The following OSBPL3 variants were observed in gnomAD, a reference collection of about 807,000 sequenced individuals.
The protein encoded by OSBPL3 is oxysterol-binding protein-related protein 3.
Under a neutral mutation model 120.1 loss-of-function variants are expected in OSBPL3, and 65 were observed. The ratio of observed to expected loss-of-function variants is 0.54; its 90% confidence interval spans 0.44 to 0.67. OSBPL3 has a LOEUF of 0.67. Among genes scored for constraint, OSBPL3 ranks in the 30% least tolerant of loss-of-function variants. The pLI is 0.00. For missense variants in OSBPL3, 1,004 were observed against 1,082.1 expected, an observed-to-expected ratio of 0.93 and a Z score of 1.01; for synonymous variants, 416 against 402.6, an observed-to-expected ratio of 1.03 and a Z score of -0.40.
chr7:24,858,955 A>G (rs1326566073), intron 10 of OSBPL3, among the ~76,000 whole-genome samples: 3 of 152,216 alleles, frequency 2.0e-5, no homozygotes, highest in East Asian at 3.8e-4. Context: ...TCCTCCCACA[A>G]AACTTAAGAT....
rs1562990984 is a variant in OSBPL3, at chr7:24,938,833, G to GTGTGTGTT, written c.-150+41052_-150+41053insAACACACA. Among the ~76,000 whole-genome samples, 5 of 136,462 alleles carry GTGTGTGTT rather than the reference G, an allele frequency of 3.7e-5. No homozygotes were observed. Among genetic ancestry groups the GTGTGTGTT allele is most frequent in the African/African-American group, 1.4e-4 (5 of 36,856 alleles). 89.5% of individuals were successfully genotyped at this position (136,462 alleles called of 152,430 possible). On this transcript the variant is annotated intron_variant, in intron 1 of 22. Coordinates refer to ENST00000313367, the MANE Select transcript of OSBPL3 (RefSeq NM_015550.4). This position sits in a 1 kb window ranked among gnomAD's most constrained non-coding sequence, Gnocchi z 5.8. ...TGTGTGTGTGTGTGTGTGTGTGTGT[G>GTGTGTGTT]TTTTGAGAGCAAAACTAATGTGGCC...
intron 10 of OSBPL3, among the ~76,000 whole-genome samples, chr7:24,856,737 A>G (rs1268194788): frequency 6.6e-6 from 1 of 152,194 alleles, no homozygotes; most frequent in African/African-American, 2.4e-5. Context: ...AGCACCTAAC[A>G]AACAGTGAGA....
intron 11 of OSBPL3, among the ~76,000 whole-genome samples, chr7:24,850,225 T>C (rs1216878660): frequency 6.6e-6 from 1 of 152,140 alleles, no homozygotes; most frequent in Non-Finnish European, 1.5e-5. Flanking sequence ...TCATTCCTTA[T>C]CTCAACCTCT....
chr7:24,806,535 C>T lies in OSBPL3; in HGVS notation c.2444+241G>A, dbSNP rs1274371881. 6.6e-6 allele frequency among the ~76,000 whole-genome samples: 1 copy of T among 152,060 alleles called. No homozygotes were observed. Among genetic ancestry groups the T allele is most frequent in the Non-Finnish European group, 1.5e-5 (1 of 67,988 alleles). ...ATGCAGTAAAACTCTTCAAAATAAA[C>T]ACCTTTTTTGGCATTTCAATGCAAA... On this transcript the variant is annotated intron_variant, in intron 21 of 22. Coordinates refer to ENST00000313367, the MANE Select transcript of OSBPL3 (RefSeq NM_015550.4). This position sits in a 1 kb window ranked among gnomAD's most constrained non-coding sequence, Gnocchi z 5.2.
Position 24,916,201 on chromosome 7 carries a change from C to T in OSBPL3, c.-149-23580G>A, listed in dbSNP as rs760274267. ...ACAGAATTACTTTTCAGAAGATGGA[C>T]AATTTCTTTCCCTTTTGTTAAATTC... On this transcript the variant is annotated intron_variant, in intron 1 of 22. Coordinates refer to ENST00000313367, the MANE Select transcript of OSBPL3 (RefSeq NM_015550.4). This position sits in a 1 kb window ranked among gnomAD's most constrained non-coding sequence, Gnocchi z 4.9. Among the ~76,000 whole-genome samples, 2 of 152,146 alleles carry T rather than the reference C, an allele frequency of 1.3e-5. No homozygotes were observed. Among genetic ancestry groups the T allele is most frequent in the African/African-American group, 2.4e-5 (1 of 41,418 alleles).
intron 16 of OSBPL3, among the ~76,000 whole-genome samples, chr7:24,825,818 GTAGA>G (rs1309882340): frequency 6.6e-6 from 1 of 152,186 alleles, no homozygotes; most frequent in Non-Finnish European, 1.5e-5. Context: ...GGCTGAGCCT[GTAGA>G]GCAAAAGAAA....
chr7:24,830,284 A>ACTGTTAGG lies in OSBPL3; in HGVS notation c.1884+483_1884+484insCCTAACAG, dbSNP rs1796211516. ...CCTAGCACCTGGAACAGTGGCAGGC[A>ACTGTTAGG]CATGGTATACGTTCTAGAAATAATT... On this transcript the variant is annotated intron_variant, in intron 16 of 22. Transcript: ENST00000313367. This position sits in a 1 kb window ranked among gnomAD's most constrained non-coding sequence, Gnocchi z 4.4. Among the ~76,000 whole-genome samples the ACTGTTAGG allele has an allele frequency of 6.6e-6, 1 of 152,120 alleles. No individual in the cohort carries two copies. Among genetic ancestry groups the ACTGTTAGG allele is most frequent in the Admixed American group, 6.5e-5 (1 of 15,284 alleles).
chr7:24,872,446 A>T lies in OSBPL3; in HGVS notation c.97-377T>A, dbSNP rs377506417. Among the ~76,000 whole-genome samples, 53 of 83,444 alleles carry T rather than the reference A, an allele frequency of 6.4e-4. No homozygotes were observed. Among genetic ancestry groups the T allele is most frequent in the African/African-American group, 2.0e-3 (45 of 22,460 alleles). The allele number at this position is 83,444 out of a possible 152,430, so 54.7% of individuals were successfully genotyped here. On this transcript the variant is annotated intron_variant, in intron 2 of 22. Transcript: ENST00000313367. The surrounding 1 kb of genome is among the most constrained non-coding windows in gnomAD (Gnocchi z 4.1). ...CTTCAGTCTGAATTTTAACCGAAAG[A>T]GAGTGTGTGTGTGTGTGTGTGTGTG...
At chr7:24,866,897 G>A (rs1444927656) in intron 5 of OSBPL3, among the ~76,000 whole-genome samples, 1 of 152,158 alleles carries the variant, frequency 6.6e-6, no homozygotes, top group African/African-American at 2.4e-5. Context: ...CACCTCCCAG[G>A]TTCAAGCGAT....
intron 1 of OSBPL3, among the ~76,000 whole-genome samples, chr7:24,976,059 A>G (rs1249725999): frequency 1.3e-5 from 2 of 152,234 alleles, no homozygotes. Flanking sequence ...TCTATATGCA[A>G]ATAAGTAGAG....
chr7:24,852,447 A>C lies in OSBPL3; in HGVS notation c.1158+57T>G. The C allele has an allele frequency of 3.7e-6, 5 of 1,349,938 alleles. No homozygotes were observed. Among genetic ancestry groups the C allele is most frequent in the Non-Finnish European group, 4.9e-6 (5 of 1,030,760 alleles). 83.6% of individuals were successfully genotyped at this position (1,349,938 alleles called of 1,614,324 possible). On this transcript the variant is annotated intron_variant, in intron 11 of 22. Transcript: ENST00000313367. The surrounding 1 kb of genome is among the most constrained non-coding windows in gnomAD (Gnocchi z 4.1). ...ATAATCATGGAAATAGAAATTACAA[A>C]CCATTCATGAGCCTGGACACATCTC...
intron 2 of OSBPL3, among the ~76,000 whole-genome samples, chr7:24,882,155 C>A (rs1803781052): frequency 6.6e-6 from 1 of 152,120 alleles, no homozygotes; most frequent in Admixed American, 6.5e-5. Flanking sequence ...GTGCAATTTT[C>A]TTACATACAC....
chr7:24,861,564 C>A (rs187363814), intron 10 of OSBPL3, 49 bp downstream of exon 10: 6 of 1,274,482 alleles, frequency 4.7e-6, no homozygotes, highest in African/African-American at 3.0e-5. Flanking sequence ...TTCAGACATG[C>A]ACTTAACATT....
At position 24,863,084 on chromosome 7, in the gene OSBPL3, C is replaced by CTAG. The variant is rs1262065435; in HGVS notation, c.870+115_870+116insCTA. 4.1e-6 allele frequency: 3 copies of CTAG among 733,856 alleles called. No individual in the cohort carries two copies. In the East Asian group the frequency reaches 7.5e-5, roughly 18 times the overall value. 45.5% of individuals were successfully genotyped at this position (733,856 alleles called of 1,614,324 possible). On this transcript the variant is annotated intron_variant, in intron 9 of 22. Coordinates refer to ENST00000313367, the MANE Select transcript of OSBPL3 (RefSeq NM_015550.4). The surrounding 1 kb of genome is among the most constrained non-coding windows in gnomAD (Gnocchi z 5.8). The stretch of plus-strand genomic sequence containing the variant: ...TCGCTACAGAGGACACTGGAAAGAA[C>CTAG]AACTACAGAATATTCACTCATCTAT...
chr7:24,827,863 C>T lies in OSBPL3; in HGVS notation c.1884+2905G>A, dbSNP rs916860. Among the ~76,000 whole-genome samples the T allele has an allele frequency of 0.081, 12,382 of 152,138 alleles. 1,501 individuals carry two copies. Among genetic ancestry groups the T allele is most frequent in the African/African-American group, 0.27 (11,160 of 41,456 alleles). On this transcript the variant is annotated intron_variant, in intron 16 of 22. Transcript: ENST00000313367. This position sits in a 1 kb window ranked among gnomAD's most constrained non-coding sequence, Gnocchi z 5.1. ...CCATTTTCTGTCAGAGACTCACCAG[C>T]GACATCAAGTCCCCTTCAAACTACT...
At chr7:24,861,190 C>T (rs1800480278) in intron 10 of OSBPL3, among the ~76,000 whole-genome samples, 2 of 152,136 alleles carry the variant, frequency 1.3e-5, no homozygotes, top group East Asian at 1.9e-4. Context: ...TGTTGAATAC[C>T]TATTTCTAAT....
intron 7 of OSBPL3, among the ~76,000 whole-genome samples, chr7:24,864,689 C>T: frequency 6.6e-6 from 1 of 152,150 alleles, no homozygotes; most frequent in Admixed American, 6.5e-5. Context: ...CTAAATCCCA[C>T]CCCCAGACAA....
chr7:24,803,468 T>C lies in OSBPL3; in HGVS notation c.2567+847A>G, dbSNP rs1472774323. 6.6e-6 allele frequency among the ~76,000 whole-genome samples: 1 copy of C among 152,196 alleles called. No homozygotes were observed. Among genetic ancestry groups the C allele is most frequent in the Non-Finnish European group, 1.5e-5 (1 of 68,008 alleles). On this transcript the variant is annotated intron_variant, in intron 22 of 22. Coordinates refer to ENST00000313367, the MANE Select transcript of OSBPL3 (RefSeq NM_015550.4). This position sits in a 1 kb window ranked among gnomAD's most constrained non-coding sequence, Gnocchi z 4.2. ...ATGGGGAGGTGAAGGGTTGAAGATCTCTCATACCTCCTTTAAAAATTTATA... is the reference window on the plus strand; with the variant it reads ...ATGGGGAGGTGAAGGGTTGAAGATCCCTCATACCTCCTTTAAAAATTTATA...
rs1792676892 is a variant in OSBPL3 at position 24,803,784 on chromosome 7, A to T, written c.2567+531T>A. Among the ~76,000 whole-genome samples the T allele has an allele frequency of 1.3e-5, 2 of 152,082 alleles. No individual in the cohort carries two copies. The highest frequency in any genetic ancestry group is 4.2e-4 in the South Asian group (2 of 4,810). On this transcript the variant is annotated intron_variant, in intron 22 of 22. Coordinates refer to ENST00000313367, the MANE Select transcript of OSBPL3 (RefSeq NM_015550.4). The surrounding 1 kb of genome is among the most constrained non-coding windows in gnomAD (Gnocchi z 4.2). ...AGACTCTGTATCAGAAAAAAAAAAA[A>T]TTATATCTATTTTAACAAGACCTTC...
Sources: allele counts gnomAD v4.1 joint callset (sites outside exome capture counted in the v4.1 genomes callset), GRCh38; gene constraint gnomAD v4.1.1; non-coding constraint Gnocchi (gnomAD v3.1); transcripts MANE v1.5; gene names NCBI Gene and HGNC (gene_info 2026-07-23, HGNC 2026-07-21).